MRPS6: variants seen among roughly 807,000 people sequenced by gnomAD.
The protein encoded by MRPS6 is small ribosomal subunit protein bS6m.
A neutral mutation model predicts 13.1 loss-of-function variants in MRPS6; 6 were observed. The observed-to-expected ratio is 0.46, with a 90% confidence interval of 0.25 to 0.91. The LOEUF is 0.91. Among genes scored for constraint, MRPS6 ranks in the 40% least tolerant of loss-of-function variants. The probability of loss-of-function intolerance (pLI) is 0.18; values close to 1 mark genes in which losing one functional copy is unlikely to be tolerated. For missense variants in MRPS6, 164 were observed against 155.6 expected, an observed-to-expected ratio of 1.05 and a Z score of -0.29; for synonymous variants, 61 against 56.5, an observed-to-expected ratio of 1.08 and a Z score of -0.36.
rs1175477701 is a variant in MRPS6, at chr21:34,092,367, A to G, written c.45+18622A>G. On this transcript the variant is annotated intron_variant, in intron 1 of 2. Transcript: ENST00000399312. ...TGTTTTGTTTAAGTTGGAAAAATCT[A>G]GACACGACCCACAGAGTGGTATGGT... is the stretch of plus-strand genomic sequence containing the variant. Among the ~76,000 whole-genome samples the G allele has an allele frequency of 0.013, 6 of 462 alleles. No homozygotes were observed. The South Asian group carries it at 0.42, about 32-fold the overall frequency. 0.3% of individuals were successfully genotyped at this position (462 alleles called of 152,430 possible). A position where few individuals can be genotyped will look rare whatever the true frequency, so the allele number is the denominator to read the frequency against.
At chr21:34,108,120 G>A (rs1349084634) in intron 1 of MRPS6, among the ~76,000 whole-genome samples, 2 of 152,154 alleles carry the variant, frequency 1.3e-5, no homozygotes, top group Admixed American at 1.3e-4. Context: ...TACTCCTGTT[G>A]ATGGTGGTGC....
At chr21:34,103,479 G>T in intron 1 of MRPS6, 1 of 998,760 alleles carries the variant, frequency 1.0e-6, no homozygotes, top group Non-Finnish European at 1.2e-6. Flanking sequence ...TCTTAATTTT[G>T]TTGTGTTTCC....
intron 1 of MRPS6, chr21:34,103,177 C>G: frequency 1.0e-6 from 1 of 999,714 alleles, no homozygotes; most frequent in Non-Finnish European, 1.2e-6. Context: ...ATAATATAAC[C>G]AGCTTTTGAA....
intron 1 of MRPS6, chr21:34,123,052 C>T (rs1980175897): frequency 6.6e-6 from 1 of 152,106 alleles, no homozygotes; most frequent in South Asian, 2.1e-4. Context: ...CAGGAAATTT[C>T]TGTTTTATCT....
intron 1 of MRPS6, among the ~76,000 whole-genome samples, chr21:34,088,686 A>T (rs1438874945): frequency 6.6e-6 from 1 of 152,106 alleles, no homozygotes; most frequent in South Asian, 2.1e-4. Flanking sequence ...GTGAGGCAAC[A>T]TCCTGGCTGT....
intron 1 of MRPS6, chr21:34,103,093 AT>A: frequency 1.0e-6 from 1 of 1,000,104 alleles, no homozygotes; most frequent in Non-Finnish European, 1.2e-6. Flanking sequence ...TGTTGTTATA[AT>A]TGGAAACAGA....
intron 1 of MRPS6, chr21:34,105,162 T>G (rs1029514652): frequency 2.7e-5 from 27 of 1,000,272 alleles, no homozygotes; most frequent in Non-Finnish European, 3.3e-5. Context: ...TTTCCCCCAC[T>G]GTTACTGCTT....
At chr21:34,102,681 T>C (rs1979300180) in intron 1 of MRPS6, 11 of 1,000,030 alleles carry the variant, frequency 1.1e-5, no homozygotes, top group Non-Finnish European at 1.1e-5. Flanking sequence ...GATGCTAGAA[T>C]AAAGTAAGCA....
At position 34,087,860 on chromosome 21, in the gene MRPS6, G is replaced by A. The variant is rs78178902; in HGVS notation, c.45+14115G>A. Among the ~76,000 whole-genome samples, 81 of 152,326 alleles carry A rather than the reference G, an allele frequency of 5.3e-4. 1 individual carries two copies. Among genetic ancestry groups the A allele is most frequent in the Admixed American group, 1.6e-3 (24 of 15,306 alleles). On this transcript the variant is annotated intron_variant, in intron 1 of 2. Coordinates refer to ENST00000399312, the MANE Select transcript of MRPS6 (RefSeq NM_032476.4). ...GTGCTAGTAGTTGTCTTTGATTCTG[G>A]ATATATTTTAAGTATCGCCAACAGG...
chr21:34,142,249 C>G (rs964745403), intron 2 of MRPS6, among the ~76,000 whole-genome samples, 159 bp from the exon 3 acceptor site: 4 of 152,078 alleles, frequency 2.6e-5, no homozygotes, highest in African/African-American at 9.7e-5. Context: ...TTTAGCTGGT[C>G]AGCTGGTAGT....
chr21:34,100,650 A>G (rs561698926), intron 1 of MRPS6: 1 of 1,000,182 alleles, frequency 1.0e-6, no homozygotes, highest in Non-Finnish European at 1.2e-6. Flanking sequence ...GTGAAACTTC[A>G]CATTTTAAGA....
At chr21:34,119,295 G>T (rs981047794) in intron 1 of MRPS6, among the ~76,000 whole-genome samples, 1 of 152,186 alleles carries the variant, frequency 6.6e-6, no homozygotes, top group Admixed American at 6.5e-5. Context: ...TAGAACTTCA[G>T]CCACTTTCCA....
chr21:34,102,880 AGTGAATTC>A (rs1979310856), intron 1 of MRPS6: 3 of 999,828 alleles, frequency 3.0e-6, no homozygotes, highest in South Asian at 9.4e-5. Context: ...TACATATTAC[AGTGAATTC>A]GACAACCGCA....
chr21:34,091,601 C>T (rs904305701), intron 1 of MRPS6, among the ~76,000 whole-genome samples: 5 of 152,144 alleles, frequency 3.3e-5, no homozygotes, highest in East Asian at 1.9e-4. Flanking sequence ...TTTATATTTA[C>T]ACTTCTCTAT....
At position 34,131,985 on chromosome 21, in the gene MRPS6, A is replaced by G. The variant is rs530839491; in HGVS notation, c.185+6505A>G. 1.1e-4 allele frequency among the ~76,000 whole-genome samples: 16 copies of G among 152,376 alleles called. No homozygotes were observed. In the South Asian group the frequency reaches 3.1e-3, roughly 30 times the overall value. ...GCTCATTAACAAGTTAAGTTTGCCC[A>G]GATGAATAGGTAAGAAGAAAAGGAT... On this transcript the variant is annotated intron_variant, in intron 2 of 2. Coordinates refer to ENST00000399312, the MANE Select transcript of MRPS6 (RefSeq NM_032476.4).
chr21:34,073,700 C>T lies in MRPS6; in HGVS notation c.-1C>T. The T allele has an allele frequency of 6.6e-7, 1 of 1,521,622 alleles. No homozygotes were observed. The highest frequency in any genetic ancestry group is 8.9e-7 in the Non-Finnish European group (1 of 1,127,038). The allele number at this position is 1,521,622 out of a possible 1,614,324, so 94.3% of individuals were successfully genotyped here. A position where few individuals can be genotyped will look rare whatever the true frequency, so the allele number is the denominator to read the frequency against. On this transcript the variant is annotated 5_prime_UTR_variant, in exon 1 of 3. Transcript: ENST00000399312. Reference sequence around the variant, plus strand: ...GAGCCGCACTCGCCGATCCTCCAGGCATGCCCCGCTACGAGCTGGCTTTAA... The same window carrying T: ...GAGCCGCACTCGCCGATCCTCCAGGTATGCCCCGCTACGAGCTGGCTTTAA...
At chr21:34,136,147 CTTTTT>C (rs1232704835) in intron 2 of MRPS6, 3 of 166,506 alleles carry the variant, frequency 1.8e-5, no homozygotes, top group African/African-American at 4.9e-5. Context: ...TTTTTCTTTT[CTTTTT>C]TCTTTTTTTT....
At chr21:34,142,328 G>C (rs535173531) in intron 2 of MRPS6, 80 bp from the exon 3 acceptor site, 7 of 1,467,868 alleles carry the variant, frequency 4.8e-6, no homozygotes, top group African/African-American at 4.2e-5. Flanking sequence ...TCTAGGAAGA[G>C]TAAAATGGAA....
intron 1 of MRPS6, chr21:34,101,014 C>T (rs1182474012): frequency 5.0e-6 from 5 of 999,920 alleles, no homozygotes; most frequent in South Asian, 4.7e-5. Flanking sequence ...TCACATGGGT[C>T]GTTGGTGGTG....
Sources: allele counts gnomAD v4.1 joint callset (sites outside exome capture counted in the v4.1 genomes callset), GRCh38; gene constraint gnomAD v4.1.1; transcripts MANE v1.5; gene names NCBI Gene and HGNC (gene_info 2026-07-23, HGNC 2026-07-21).